Variants in GLRB observed in about 807,000 individuals in gnomAD.
GLRB encodes glycine receptor beta.
In GLRB, 33 loss-of-function variants were observed where a neutral mutation model predicts 54.2. The observed-to-expected ratio is 0.61, with a 90% confidence interval of 0.46 to 0.81. The LOEUF is 0.81. Ranked by LOEUF, GLRB falls within the 40% of genes least tolerant of loss-of-function variation. GLRB has a pLI of 0.00. For missense variants in GLRB, 572 were observed against 584.6 expected (o/e 0.98, Z 0.22); for synonymous variants, 209 against 208.2 (o/e 1.00, Z -0.03).
chr4:157,095,395 T>A (rs946873869), intron 2 of GLRB, among the ~76,000 whole-genome samples: 1 of 152,088 alleles, frequency 6.6e-6, no homozygotes, highest in Non-Finnish European at 1.5e-5. Context: ...AACAAGAGTT[T>A]AGTTCTGGAT....
chr4:157,106,629 C>T (rs1260514241), intron 2 of GLRB, among the ~76,000 whole-genome samples: 2 of 151,846 alleles, frequency 1.3e-5, no homozygotes, highest in African/African-American at 4.8e-5. Flanking sequence ...TTTTCTCTTT[C>T]CCTTGGACAT....
intron 9 of GLRB, among the ~76,000 whole-genome samples, chr4:157,169,108 T>A (rs539270667): frequency 1.3e-5 from 2 of 152,196 alleles, no homozygotes; most frequent in Admixed American, 6.6e-5. Context: ...AACCCAGCTA[T>A]AATTTAGTAA....
chr4:157,110,980 A>G (rs1735397558), intron 2 of GLRB, among the ~76,000 whole-genome samples: 2 of 151,992 alleles, frequency 1.3e-5, no homozygotes, highest in Non-Finnish European at 2.9e-5. Flanking sequence ...TTCCTTCCCC[A>G]AGAAGAATCT....
intron 2 of GLRB, among the ~76,000 whole-genome samples, chr4:157,107,694 G>A (rs1579204030): frequency 6.6e-6 from 1 of 152,080 alleles, no homozygotes; most frequent in East Asian, 1.9e-4. Context: ...CGTGTGAGGT[G>A]GCACAGCAAG....
At chr4:157,114,484 T>C (rs984394901) in intron 2 of GLRB, among the ~76,000 whole-genome samples, 1 of 151,856 alleles carries the variant, frequency 6.6e-6, no homozygotes, top group Admixed American at 6.6e-5. Context: ...GTGCTTTTAT[T>C]TATTTTTTAC....
intron 9 of GLRB, among the ~76,000 whole-genome samples, chr4:157,163,202 G>A (rs1179523827): frequency 6.6e-6 from 1 of 152,120 alleles, no homozygotes; most frequent in African/African-American, 2.4e-5. Context: ...GTATTATGGT[G>A]GGAGTGTCCC....
chr4:157,103,973 G>A (rs963653626), intron 2 of GLRB, among the ~76,000 whole-genome samples: 18 of 151,564 alleles, frequency 1.2e-4, no homozygotes, highest in Non-Finnish European at 2.9e-5. Context: ...AGTCTTTAGA[G>A]TTTCCTTTAT....
intron 2 of GLRB, among the ~76,000 whole-genome samples, chr4:157,120,229 GT>G (rs1231704404): frequency 9.4e-6 from 1 of 106,770 alleles, no homozygotes; most frequent in African/African-American, 3.7e-5. Flanking sequence ...TCTGGGGACT[GT>G]TGTGGGGTGG....
intron 2 of GLRB, among the ~76,000 whole-genome samples, chr4:157,115,503 TTATG>T (rs370140847): frequency 6.6e-6 from 1 of 151,856 alleles, no homozygotes; most frequent in East Asian, 2.0e-4. Context: ...CAATAATACC[TTATG>T]TTTTCTTGTA....
intron 6 of GLRB, among the ~76,000 whole-genome samples, 177 bp downstream of exon 6, chr4:157,137,063 T>TATTAA (rs1212077750): frequency 6.6e-6 from 1 of 152,198 alleles, no homozygotes. Context: ...TATCTTAACT[T>TATTAA]GTATTAAGAT....
At chr4:157,135,073 A>G (rs1736351902) in intron 4 of GLRB, among the ~76,000 whole-genome samples, 1 of 152,110 alleles carries the variant, frequency 6.6e-6, no homozygotes, top group Non-Finnish European at 1.5e-5. Flanking sequence ...TATGATAGTA[A>G]TATATTTCTA....
intron 6 of GLRB, 123 bp downstream of exon 6, chr4:157,137,009 A>G: frequency 1.5e-6 from 1 of 665,622 alleles, no homozygotes; most frequent in Non-Finnish European, 2.7e-6. Context: ...ATAGTCATTA[A>G]AATAATTTAT....
Position 157,150,051 on chromosome 4 carries a change from T to A in GLRB, c.905-2667T>A, listed in dbSNP as rs536115559. On this transcript the variant is annotated intron_variant, in intron 8 of 9. Transcript: ENST00000264428. ...CTGTATATATCTTGAAAAATTGAGA[T>A]GATTTTGTCATTATACAATTCTGTC... 2.6e-5 allele frequency among the ~76,000 whole-genome samples: 4 copies of A among 152,228 alleles called. No homozygotes were observed. The South Asian group carries it at 8.3e-4, about 32-fold the overall frequency.
chr4:157,099,896 C>G (rs1734953923), intron 2 of GLRB, among the ~76,000 whole-genome samples: 1 of 152,076 alleles, frequency 6.6e-6, no homozygotes, highest in South Asian at 2.1e-4. Flanking sequence ...TTTTAATTTG[C>G]ATTTCCTTGA....
At chr4:157,100,869 T>G (rs768961116) in intron 2 of GLRB, among the ~76,000 whole-genome samples, 45 of 152,304 alleles carry the variant, frequency 3.0e-4, no homozygotes, top group East Asian at 2.1e-3. Context: ...AGGAAATTTT[T>G]GGTGCCCACC....
chr4:157,088,900 T>C (rs907687217), intron 2 of GLRB, among the ~76,000 whole-genome samples: 1 of 152,204 alleles, frequency 6.6e-6, no homozygotes, highest in African/African-American at 2.4e-5. Context: ...TTTTCCCCTT[T>C]GTTAATTACT....
intron 2 of GLRB, among the ~76,000 whole-genome samples, chr4:157,109,149 A>T (rs1247733013): frequency 1.3e-5 from 2 of 151,978 alleles, no homozygotes. Flanking sequence ...TATTCACTTT[A>T]TTGTGGTGGT....
chr4:157,151,608 C>G (rs1367880380), intron 8 of GLRB, among the ~76,000 whole-genome samples: 2 of 151,896 alleles, frequency 1.3e-5, no homozygotes, highest in East Asian at 3.8e-4. Context: ...ATCTTAGGTT[C>G]TTGAATGCAA....
rs543709409 is a variant in GLRB, at chr4:157,101,817, G to T, written c.123-18739G>T. Among the ~76,000 whole-genome samples, 60 of 138,036 alleles carry T rather than the reference G, an allele frequency of 4.3e-4. 1 individual carries two copies. Among genetic ancestry groups the T allele is most frequent in the South Asian group, 1.6e-3 (7 of 4,286 alleles). 90.6% of individuals were successfully genotyped at this position (138,036 alleles called of 152,430 possible). A position where few individuals can be genotyped will look rare whatever the true frequency, so the allele number is the denominator to read the frequency against. On this transcript the variant is annotated intron_variant, in intron 2 of 9. Transcript: ENST00000264428. Reference sequence around the variant, plus strand: ...AACTTGTTTTTTTTTTTTTTTTGGTGGGGGGGAGGGTTTGGGGTTGGGTGG... The same window carrying T: ...AACTTGTTTTTTTTTTTTTTTTGGTTGGGGGGAGGGTTTGGGGTTGGGTGG...
Sources: allele counts gnomAD v4.1 joint callset (sites outside exome capture counted in the v4.1 genomes callset), GRCh38; gene constraint gnomAD v4.1.1; transcripts MANE v1.5; gene names NCBI Gene and HGNC (gene_info 2026-07-23, HGNC 2026-07-21).